Variants in CERKL observed in about 807,000 individuals in gnomAD.
CERKL encodes ceramide kinase-like protein.
In CERKL, 61 loss-of-function variants were observed where a neutral mutation model predicts 63.4. The ratio of observed to expected loss-of-function variants is 0.96; its 90% confidence interval spans 0.78 to 1.19. CERKL has a LOEUF of 1.19. CERKL is among the 50% of genes most tolerant of loss of function. CERKL has a pLI of 0.00. For synonymous variants in CERKL, 250 were observed against 230.5 expected (o/e 1.08, Z -0.77); for missense variants, 675 against 655.5 (o/e 1.03, Z -0.33).
At chr2:181,622,181 C>A (rs1686484646) in intron 1 of CERKL, among the ~76,000 whole-genome samples, 3 of 152,168 alleles carry the variant, frequency 2.0e-5, no homozygotes, top group African/African-American at 7.2e-5. Context: ...ATATAAATGT[C>A]TTCAATAATG....
At chr2:181,654,453 T>C (rs1037891144) in intron 1 of CERKL, among the ~76,000 whole-genome samples, 3 of 152,226 alleles carry the variant, frequency 2.0e-5, no homozygotes, top group African/African-American at 4.8e-5. Flanking sequence ...TAGTATTTTA[T>C]TTCATCAGTG....
intron 2 of CERKL, among the ~76,000 whole-genome samples, chr2:181,582,006 CA>C (rs1330106217): frequency 1.3e-5 from 2 of 152,112 alleles, no homozygotes; most frequent in African/African-American, 2.4e-5. Context: ...TGAACGTTTA[CA>C]AAAAAACATA....
At chr2:181,622,158 CA>C (rs1391650859) in intron 1 of CERKL, among the ~76,000 whole-genome samples, 1 of 152,150 alleles carries the variant, frequency 6.6e-6, no homozygotes, top group African/African-American at 2.4e-5. Context: ...TAATGAAAAA[CA>C]AACATCATAC....
At chr2:181,562,227 A>G (rs933790995) in intron 4 of CERKL, among the ~76,000 whole-genome samples, 2 of 152,188 alleles carry the variant, frequency 1.3e-5, no homozygotes, top group Admixed American at 6.6e-5. Flanking sequence ...CATTGAATTC[A>G]TCTGTGAGCT....
At chr2:181,617,372 C>T (rs1686243969) in intron 1 of CERKL, 1 of 152,198 alleles carries the variant, frequency 6.6e-6, no homozygotes, top group African/African-American at 2.4e-5. Flanking sequence ...GAAAGATCAA[C>T]TGACAATACA....
intron 5 of CERKL, among the ~76,000 whole-genome samples, chr2:181,553,097 G>A (rs1489362898): frequency 6.6e-6 from 1 of 152,146 alleles, no homozygotes; most frequent in Non-Finnish European, 1.5e-5. Context: ...GAGGAGGGAG[G>A]ACCCAGGTAT....
chr2:181,558,516 G>A lies in CERKL; in HGVS notation c.820+50C>T. The A allele has an allele frequency of 6.3e-7, 1 of 1,596,494 alleles. No homozygotes were observed. The highest frequency in any genetic ancestry group is 8.6e-7 in the Non-Finnish European group (1 of 1,166,892). On this transcript the variant is annotated intron_variant, in intron 5 of 12. Coordinates refer to ENST00000410087, the MANE Select transcript of CERKL (RefSeq NM_201548.5). The surrounding 1 kb of genome is among the most constrained non-coding windows in gnomAD (Gnocchi z 4.2). ...GCTGTCTAGATTAGCAAGTAAGAAAGGAAAAGAGGGAGAAGGGTCAGTTTA... is the reference window on the plus strand; with the variant it reads ...GCTGTCTAGATTAGCAAGTAAGAAAAGAAAAGAGGGAGAAGGGTCAGTTTA...
chr2:181,649,169 A>T (rs1245379251), intron 1 of CERKL, among the ~76,000 whole-genome samples: 1 of 152,230 alleles, frequency 6.6e-6, no homozygotes, highest in Non-Finnish European at 1.5e-5. Flanking sequence ...AAAGAGGCTT[A>T]CCTCACCGTT....
Position 181,609,240 on chromosome 2 carries a change from A to G in CERKL, c.239-5161T>C, listed in dbSNP as rs1324902720. On this transcript the variant is annotated intron_variant, in intron 1 of 12. Coordinates refer to ENST00000410087, the MANE Select transcript of CERKL (RefSeq NM_201548.5). ...CATCTAGCATTAGGTATATCTCCCAATGCTATCCCTCCCCCCTCCCCCCAC... is the reference window on the plus strand; with the variant it reads ...CATCTAGCATTAGGTATATCTCCCAGTGCTATCCCTCCCCCCTCCCCCCAC... Among the ~76,000 whole-genome samples the G allele has an allele frequency of 3.4e-5, 5 of 145,172 alleles. No individual in the cohort carries two copies. In the South Asian group the frequency reaches 9.6e-4, roughly 28 times the overall value.
intron 1 of CERKL, among the ~76,000 whole-genome samples, chr2:181,640,260 C>A (rs557706078): frequency 3.9e-5 from 6 of 152,170 alleles, no homozygotes; most frequent in Admixed American, 3.9e-4. Context: ...TAGCTTATAC[C>A]AATTTTGGCC....
chr2:181,543,073 G>C (rs1343341046), intron 11 of CERKL, among the ~76,000 whole-genome samples: 1 of 152,114 alleles, frequency 6.6e-6, no homozygotes, highest in East Asian at 1.9e-4. Flanking sequence ...TTCTCAAATA[G>C]AGGTACATGA....
In CERKL at chr2:181,536,790, T is replaced by TTATGCTTATGA. The variant is rs1553510807; in HGVS notation, c.*1383_*1393dup. 1.2e-5 allele frequency: 3 copies of TTATGCTTATGA among 253,596 alleles called. No homozygotes were observed. The highest frequency in any genetic ancestry group is 2.4e-5 in the Non-Finnish European group (3 of 126,294). The allele number at this position is 253,596 out of a possible 1,614,324, so 15.7% of individuals were successfully genotyped here. A position where few individuals can be genotyped will look rare whatever the true frequency, so the allele number is the denominator to read the frequency against. ...TACAATCATTTTTGTAATATTTATT[T>TTATGCTTATGA]TATGCTTATGATCTAGATAATTGCA... On this transcript the variant is annotated 3_prime_UTR_variant, in exon 13 of 13. Transcript: ENST00000410087.
At chr2:181,603,636 G>T in intron 2 of CERKL, 1 of 649,930 alleles carries the variant, frequency 1.5e-6, no homozygotes. Context: ...CACATTAACA[G>T]GATGTAGGGA....
rs749102860 is a variant in CERKL, at chr2:181,537,138, T to G, written c.*1046A>C. The G allele has an allele frequency of 1.6e-4, 72 of 453,438 alleles. No individual in the cohort carries two copies. Among genetic ancestry groups the G allele is most frequent in the South Asian group, 1.1e-3 (72 of 64,410 alleles). 28.1% of individuals were successfully genotyped at this position (453,438 alleles called of 1,614,324 possible). A position where few individuals can be genotyped will look rare whatever the true frequency, so the allele number is the denominator to read the frequency against. On this transcript the variant is annotated 3_prime_UTR_variant, in exon 13 of 13. Transcript: ENST00000410087. ...TTATGTATTTTTAAAAAACTTTGTA[T>G]CGTTATAAAAAGGCTAGTCATTCTT...
chr2:181,646,377 C>A (rs1322224143), intron 1 of CERKL, among the ~76,000 whole-genome samples: 2 of 152,178 alleles, frequency 1.3e-5, no homozygotes, highest in Non-Finnish European at 2.9e-5. Context: ...AGTTATTGTC[C>A]CATAACTTAC....
At chr2:181,615,187 G>C (rs1344096294) in intron 1 of CERKL, among the ~76,000 whole-genome samples, 2 of 151,978 alleles carry the variant, frequency 1.3e-5, no homozygotes, top group Non-Finnish European at 2.9e-5. Context: ...TTTTTTTGGG[G>C]GGAAAAGTCA....
At chr2:181,571,662 T>C (rs973204023) in intron 3 of CERKL, among the ~76,000 whole-genome samples, 3 of 152,120 alleles carry the variant, frequency 2.0e-5, no homozygotes, top group African/African-American at 4.8e-5. Context: ...CCTGGAATTA[T>C]ACCTCCTGTA....
chr2:181,643,585 T>C (rs1211258284), intron 1 of CERKL, among the ~76,000 whole-genome samples: 3 of 152,244 alleles, frequency 2.0e-5, no homozygotes. Flanking sequence ...AAGAATTGTT[T>C]TGTGAAACTT....
Position 181,603,903 on chromosome 2 carries a change from C to G in CERKL, c.415G>C (p.Asp139His). The change falls in exon 2 of 13, where the codon GAT (aspartate) becomes CAT (histidine). Residue 139 changes from aspartate (D) to histidine (H), a missense_variant. Coordinates refer to ENST00000410087, the MANE Select transcript of CERKL (RefSeq NM_201548.5). ...TGGTCTTCACTTAAATTAATAAGAT[C>G]AAGTGTAGAATTCTTTAGTTTATTT... is the stretch of plus-strand genomic sequence containing the variant. ...EQNKLKNSTLDLINLSEDHCD... is the reference protein window; with the variant it reads ...EQNKLKNSTLHLINLSEDHCD... 6.2e-7 allele frequency: 1 copy of G among 1,612,028 alleles called. No homozygotes were observed. Among genetic ancestry groups the G allele is most frequent in the Non-Finnish European group, 8.5e-7 (1 of 1,178,462 alleles).
Sources: allele counts gnomAD v4.1 joint callset (sites outside exome capture counted in the v4.1 genomes callset), GRCh38; gene constraint gnomAD v4.1.1; non-coding constraint Gnocchi (gnomAD v3.1); transcripts MANE v1.5; gene names NCBI Gene and HGNC (gene_info 2026-07-23, HGNC 2026-07-21).